Variants in MACROD2 observed in about 807,000 individuals in gnomAD.
MACROD2 encodes ADP-ribose glycohydrolase MACROD2.
Under a neutral mutation model 70.4 loss-of-function variants are expected in MACROD2, and 36 were observed. The observed-to-expected ratio is 0.51, with a 90% CI of 0.39 to 0.68. MACROD2 has a LOEUF of 0.68. Ranked by LOEUF, MACROD2 falls within the 30% of genes least tolerant of loss-of-function variation. The pLI is 0.00. For missense variants in MACROD2, 496 were observed against 538.4 expected (o/e 0.92, Z 0.78); for synonymous variants, 172 against 178.8 (o/e 0.96, Z 0.30).
chr20:14,809,174 A>G (rs1271560450), intron 5 of MACROD2, among the ~76,000 whole-genome samples: 2 of 152,142 alleles, frequency 1.3e-5, no homozygotes, highest in African/African-American at 2.4e-5. Flanking sequence ...AATCAACCGC[A>G]TAATTGGAAG....
At chr20:14,148,680 T>G (rs919013142) in intron 3 of MACROD2, among the ~76,000 whole-genome samples, 5 of 152,212 alleles carry the variant, frequency 3.3e-5, no homozygotes, top group African/African-American at 1.2e-4. Flanking sequence ...GGTGTTCATG[T>G]AAGCAGAGAA....
chr20:14,049,000 T>C (rs1203785306), intron 2 of MACROD2, among the ~76,000 whole-genome samples: 4 of 152,078 alleles, frequency 2.6e-5, no homozygotes, highest in African/African-American at 4.8e-5. Context: ...TGGTATACTA[T>C]GCAAAGAGCT....
chr20:14,683,368 T>C (rs758011608), intron 4 of MACROD2, among the ~76,000 whole-genome samples: 1 of 152,212 alleles, frequency 6.6e-6, no homozygotes, highest in Non-Finnish European at 1.5e-5. Flanking sequence ...ACTACCATTA[T>C]TGACAAGGAC....
chr20:14,832,143 C>T (rs1450927178), intron 5 of MACROD2, among the ~76,000 whole-genome samples: 6 of 147,948 alleles, frequency 4.1e-5, no homozygotes, highest in Non-Finnish European at 5.9e-5. Flanking sequence ...CCCGGGTTCA[C>T]GCCATTCTCC....
chr20:16,032,201 A>G (rs762187725), intron 15 of MACROD2, among the ~76,000 whole-genome samples: 1 of 152,166 alleles, frequency 6.6e-6, no homozygotes, highest in Non-Finnish European at 1.5e-5. Context: ...GGAGCTAAGC[A>G]ATGAGCACAC....
intron 6 of MACROD2, among the ~76,000 whole-genome samples, chr20:15,237,581 G>A (rs1269097301): frequency 1.3e-5 from 2 of 152,056 alleles, no homozygotes; most frequent in Non-Finnish European, 2.9e-5. Context: ...CCAAGGTGTT[G>A]TGTGCACGTG....
intron 5 of MACROD2, among the ~76,000 whole-genome samples, chr20:14,937,172 T>C (rs559217963): frequency 2.1e-4 from 32 of 151,958 alleles, no homozygotes; most frequent in African/African-American, 7.5e-4. Context: ...AGTAGGACTC[T>C]GACATGGAAA....
At chr20:14,670,038 A>G (rs755223524) in intron 4 of MACROD2, among the ~76,000 whole-genome samples, 39 of 151,786 alleles carry the variant, frequency 2.6e-4, no homozygotes, top group Non-Finnish European at 5.4e-4. Context: ...TGAATTGTGA[A>G]TTTTTTCTTT....
At chr20:15,854,939 C>G (rs553362909) in intron 8 of MACROD2, among the ~76,000 whole-genome samples, 1 of 152,322 alleles carries the variant, frequency 6.6e-6, no homozygotes, top group African/African-American at 2.4e-5. Context: ...CAACCCTGCA[C>G]TGGTGAGACT....
chr20:15,394,131 A>C (rs566345895), intron 6 of MACROD2, among the ~76,000 whole-genome samples: 1 of 152,354 alleles, frequency 6.6e-6, no homozygotes, highest in South Asian at 2.1e-4. Context: ...TGCAAGATGG[A>C]CAATGTCAAA....
At chr20:15,636,272 A>G (rs920280661) in intron 8 of MACROD2, among the ~76,000 whole-genome samples, 4 of 152,124 alleles carry the variant, frequency 2.6e-5, no homozygotes, top group African/African-American at 9.7e-5. Context: ...CTATAACATC[A>G]CTGACAAAAG....
At chr20:14,975,597 T>G (rs1436894927) in intron 5 of MACROD2, among the ~76,000 whole-genome samples, 1 of 152,044 alleles carries the variant, frequency 6.6e-6, no homozygotes, top group Non-Finnish European at 1.5e-5. Context: ...AGATGGGTAG[T>G]GAAATCCACC....
chr20:15,725,284 C>T (rs191768171), intron 8 of MACROD2, among the ~76,000 whole-genome samples: 1 of 152,206 alleles, frequency 6.6e-6, no homozygotes, highest in Admixed American at 6.5e-5. Context: ...TAGTTTTCCT[C>T]ATGTAACTCC....
intron 2 of MACROD2, among the ~76,000 whole-genome samples, chr20:14,081,608 G>GAA (rs35202806): frequency 6.6e-6 from 1 of 152,128 alleles, no homozygotes; most frequent in Non-Finnish European, 1.5e-5. Flanking sequence ...ATTTATTACT[G>GAA]AAAACCTAGG....
At chr20:14,413,129 A>G (rs540218744) in intron 3 of MACROD2, among the ~76,000 whole-genome samples, 343 of 151,244 alleles carry the variant, frequency 2.3e-3, no homozygotes, top group African/African-American at 7.7e-3. Context: ...AACTAAAGCT[A>G]TTAAAGGGTT....
At chr20:14,678,035 A>G (rs1352718486) in intron 4 of MACROD2, among the ~76,000 whole-genome samples, 2 of 152,198 alleles carry the variant, frequency 1.3e-5, no homozygotes, top group Non-Finnish European at 2.9e-5. Flanking sequence ...GTTCTACATA[A>G]TAAAGGTTTA....
At chr20:15,314,471 G>A (rs1317875577) in intron 6 of MACROD2, among the ~76,000 whole-genome samples, 2 of 151,988 alleles carry the variant, frequency 1.3e-5, no homozygotes, top group Non-Finnish European at 2.9e-5. Context: ...AAACTTCAAG[G>A]TACTTTTACA....
chr20:15,699,736 C>T (rs2050429048), intron 8 of MACROD2, among the ~76,000 whole-genome samples: 1 of 152,212 alleles, frequency 6.6e-6, no homozygotes, highest in African/African-American at 2.4e-5. Context: ...CGTCTGCACT[C>T]CGGATTTGTG....
intron 3 of MACROD2, among the ~76,000 whole-genome samples, chr20:14,111,219 A>T (rs1182893429): frequency 6.6e-6 from 1 of 152,032 alleles, no homozygotes; most frequent in East Asian, 1.9e-4. Flanking sequence ...CAAAAGTCAA[A>T]CCAAAATGGA....
Sources: gnomAD v4.1 joint callset for allele counts (sites outside exome capture counted in the v4.1 genomes callset) on GRCh38, gnomAD v4.1.1 for gene constraint, MANE v1.5 for transcripts, NCBI Gene and HGNC (gene_info 2026-07-23, HGNC 2026-07-21) for gene names.